The following DLGAP3 variants were observed in gnomAD, a reference collection of about 807,000 sequenced individuals.
The protein encoded by DLGAP3 is disks large-associated protein 3.
Under a neutral mutation model 81.2 loss-of-function variants are expected in DLGAP3, and 17 were observed. That is an observed-to-expected ratio of 0.21 (90% CI 0.14 to 0.31). The LOEUF is 0.31. DLGAP3 is among the 10% of genes least tolerant of loss of function. The pLI is 1.00. For missense variants in DLGAP3, 1,124 were observed against 1,388.0 expected, an observed-to-expected ratio of 0.81 and a Z score of 3.02; for synonymous variants, 577 against 587.4, an observed-to-expected ratio of 0.98 and a Z score of 0.26.
chr1:34,876,764 C>T (rs1216152388), intron 8 of DLGAP3, among the ~76,000 whole-genome samples: 1 of 152,166 alleles, frequency 6.6e-6, no homozygotes. Context: ...CATGTCCTCT[C>T]CTCAGCCCGC....
intron 5 of DLGAP3, among the ~76,000 whole-genome samples, chr1:34,894,960 T>C (rs1262129634): frequency 6.6e-6 from 1 of 152,238 alleles, no homozygotes; most frequent in African/African-American, 2.4e-5. Flanking sequence ...TTTGAGGTGA[T>C]GGGTATGTCA....
intron 1 of DLGAP3, among the ~76,000 whole-genome samples, chr1:34,914,921 C>T (rs1639693816): frequency 6.6e-6 from 1 of 152,162 alleles, no homozygotes; most frequent in African/African-American, 2.4e-5. Context: ...ACACCCTAAG[C>T]GTACCAAAGA....
In DLGAP3 at chr1:34,900,348, C is replaced by A; in HGVS notation, c.1108-75G>T. 1 of 1,468,506 alleles carries A rather than the reference C, an allele frequency of 6.8e-7. No homozygotes were observed. The highest frequency in any genetic ancestry group is 9.5e-7 in the Non-Finnish European group (1 of 1,055,198). The allele number at this position is 1,468,506 out of a possible 1,614,324, so 91.0% of individuals were successfully genotyped here. A position where few individuals can be genotyped will look rare whatever the true frequency, so the allele number is the denominator to read the frequency against. On this transcript the variant is annotated intron_variant, in intron 3 of 11. Transcript: ENST00000373347. This position sits in a 1 kb window ranked among gnomAD's most constrained non-coding sequence, Gnocchi z 5.6. ...GAGGCCAGGACTCTTTCCCCACTGC[C>A]AGTGGGAGATGCCCTGCCCTGGCTT...
intron 1 of DLGAP3, among the ~76,000 whole-genome samples, chr1:34,919,139 G>A (rs1346976995): frequency 2.0e-5 from 3 of 152,188 alleles, no homozygotes; most frequent in African/African-American, 7.2e-5. Flanking sequence ...TAGCCCAGAT[G>A]AGAGAGGAGA....
At chr1:34,891,947 T>G (rs1639317563) in intron 5 of DLGAP3, among the ~76,000 whole-genome samples, 1 of 152,248 alleles carries the variant, frequency 6.6e-6, no homozygotes, top group Non-Finnish European at 1.5e-5. Flanking sequence ...CTAGAATTAC[T>G]ACAATATATT....
intron 1 of DLGAP3, among the ~76,000 whole-genome samples, chr1:34,913,703 G>A (rs1324967453): frequency 6.6e-6 from 1 of 152,146 alleles, no homozygotes; most frequent in Non-Finnish European, 1.5e-5. Flanking sequence ...ACTAAACGGT[G>A]TTCAAAAAAT....
At chr1:34,917,874 G>C (rs1025940485) in intron 1 of DLGAP3, among the ~76,000 whole-genome samples, 6 of 152,176 alleles carry the variant, frequency 3.9e-5, no homozygotes, top group Admixed American at 2.6e-4. Flanking sequence ...CTTCTCTCTG[G>C]GGTTGGCCAG....
chr1:34,928,546 C>T (rs1196038533), intron 1 of DLGAP3, among the ~76,000 whole-genome samples: 2 of 152,122 alleles, frequency 1.3e-5, no homozygotes, highest in Admixed American at 6.5e-5. Context: ...TTGCCTGAAT[C>T]AAGGGTCAGG....
intron 3 of DLGAP3, among the ~76,000 whole-genome samples, chr1:34,903,748 G>A (rs980224949): frequency 2.2e-4 from 34 of 152,256 alleles, no homozygotes; most frequent in Middle Eastern, 3.4e-3. Context: ...CCACAGCTTC[G>A]GCTGTCCCAC....
chr1:34,915,756 C>A (rs1016893547), intron 1 of DLGAP3, among the ~76,000 whole-genome samples: 1 of 152,200 alleles, frequency 6.6e-6, no homozygotes, highest in Non-Finnish European at 1.5e-5. Flanking sequence ...GATATCTATA[C>A]CTCTGCTCTC....
At chr1:34,906,327 C>G (rs767308928) in intron 2 of DLGAP3, among the ~76,000 whole-genome samples, 6 of 151,904 alleles carry the variant, frequency 3.9e-5, no homozygotes, top group Non-Finnish European at 8.8e-5. Context: ...CTACTCCAAC[C>G]CTGCCCTACA....
Position 34,866,289 on chromosome 1 carries a change from C to T in DLGAP3, c.2734G>A (p.Val912Ile). The change falls in exon 12 of 12, where the codon GTC becomes ATC. Residue 912 changes from valine to isoleucine, a missense_variant. Coordinates refer to ENST00000373347, the MANE Select transcript of DLGAP3 (RefSeq NM_001080418.3). ...GGCTTCTTTGGTATCGGCGGAGGGA[C>T]CTTCTTCTCCTCCTGCGGGGCAGAG... ...KLLEPKEEKKVPPPIPKKPLR... is the reference protein window; with the variant it reads ...KLLEPKEEKKIPPPIPKKPLR... 1 of 1,526,888 alleles carries T rather than the reference C, an allele frequency of 6.5e-7. No homozygotes were observed. Among genetic ancestry groups the T allele is most frequent in the Middle Eastern group, 2.3e-4 (1 of 4,302 alleles). The allele number at this position is 1,526,888 out of a possible 1,614,324, so 94.6% of individuals were successfully genotyped here.
In DLGAP3 at chr1:34,902,971, C is replaced by A. The variant is rs1248732818; in HGVS notation, c.1107+1306G>T. The stretch of plus-strand genomic sequence containing the variant: ...CTCCCTACCCAGGGAGGGGGCAAAC[C>A]AGGCCAATCCAGAAGTCCCTTCTTG... On this transcript the variant is annotated intron_variant, in intron 3 of 11. Coordinates refer to ENST00000373347, the MANE Select transcript of DLGAP3 (RefSeq NM_001080418.3). This position sits in a 1 kb window ranked among gnomAD's most constrained non-coding sequence, Gnocchi z 4.4. Among the ~76,000 whole-genome samples the A allele has an allele frequency of 2.0e-5, 3 of 152,108 alleles. No homozygotes were observed. The highest frequency in any genetic ancestry group is 4.4e-5 in the Non-Finnish European group (3 of 67,984).
chr1:34,928,760 G>A (rs776234707), intron 1 of DLGAP3, among the ~76,000 whole-genome samples: 16 of 151,200 alleles, frequency 1.1e-4, no homozygotes, highest in Admixed American at 2.0e-4. Context: ...GTCACACAGG[G>A]CAGATACCGG....
At position 34,866,295 on chromosome 1, in the gene DLGAP3, T is replaced by G; in HGVS notation, c.2728A>C (p.Lys910Gln). The G allele has an allele frequency of 6.6e-7, 1 of 1,523,396 alleles. No homozygotes were observed. The highest frequency in any genetic ancestry group is 2.0e-5 in the Admixed American group (1 of 49,920). The allele number at this position is 1,523,396 out of a possible 1,614,324, so 94.4% of individuals were successfully genotyped here. A position where few individuals can be genotyped will look rare whatever the true frequency, so the allele number is the denominator to read the frequency against. ...TTTGGTATCGGCGGAGGGACCTTCT[T>G]CTCCTCCTGCGGGGCAGAGGGCGTC... Reference protein sequence around the residue: ...SWKLLEPKEEKKVPPPIPKKP... With the variant: ...SWKLLEPKEEQKVPPPIPKKP... Residue 910 changes from lysine to glutamine, a missense_variant, in exon 12 of 12, where the codon AAG becomes CAG. Transcript: ENST00000373347.
At chr1:34,884,404 A>C (rs566174753) in intron 8 of DLGAP3, among the ~76,000 whole-genome samples, 35 of 152,082 alleles carry the variant, frequency 2.3e-4, no homozygotes, top group Non-Finnish European at 4.7e-4. Context: ...AAAATTAAGG[A>C]GTCAATGTTT....
chr1:34,866,000 C>G lies in DLGAP3; in HGVS notation c.*83G>C. ...GGTGGGGCGGGCGCACGGGGCGGCCCGCGTTCACAGTGACCTCGACGCTGG... is the reference window on the plus strand; with the variant it reads ...GGTGGGGCGGGCGCACGGGGCGGCCGGCGTTCACAGTGACCTCGACGCTGG... On this transcript the variant is annotated 3_prime_UTR_variant, in exon 12 of 12. Coordinates refer to ENST00000373347, the MANE Select transcript of DLGAP3 (RefSeq NM_001080418.3). 4.0e-6 allele frequency: 5 copies of G among 1,249,064 alleles called. No homozygotes were observed. Among genetic ancestry groups the G allele is most frequent in the Non-Finnish European group, 5.6e-6 (5 of 896,810 alleles). 77.4% of individuals were successfully genotyped at this position (1,249,064 alleles called of 1,614,324 possible).
intron 1 of DLGAP3, among the ~76,000 whole-genome samples, chr1:34,909,633 C>T (rs1472895522): frequency 2.0e-5 from 3 of 152,174 alleles, no homozygotes; most frequent in Non-Finnish European, 2.9e-5. Flanking sequence ...AGGAGATATC[C>T]AATTTATGGA....
chr1:34,904,581 T>C lies in DLGAP3; in HGVS notation c.803A>G (p.Asp268Gly). The C allele has an allele frequency of 1.2e-6, 2 of 1,614,198 alleles. No homozygotes were observed. Among genetic ancestry groups the C allele is most frequent in the Non-Finnish European group, 1.7e-6 (2 of 1,180,032 alleles). Reference protein sequence around the residue: ...TGWWSSDDNLDSDSGFLAGGR... With the variant: ...TGWWSSDDNLGSDSGFLAGGR... ...ACCCGCCAGGAAGCCGCTATCACTGTCCAAGTTGTCATCGGAACTCCACCA... is the reference window on the plus strand; with the variant it reads ...ACCCGCCAGGAAGCCGCTATCACTGCCCAAGTTGTCATCGGAACTCCACCA... Residue 268 changes from aspartate to glycine, a missense_variant, in exon 3 of 12, where the codon GAC becomes GGC. Around this residue, in one of 9 missense-constraint regions of DLGAP3, gnomAD observed 357 missense variants for 408.8 expected, o/e 0.87. Coordinates refer to ENST00000373347, the MANE Select transcript of DLGAP3 (RefSeq NM_001080418.3). The surrounding 1 kb of genome is among the most constrained non-coding windows in gnomAD (Gnocchi z 8.1).
Sources: allele counts gnomAD v4.1 joint callset (sites outside exome capture counted in the v4.1 genomes callset), GRCh38; gene constraint gnomAD v4.1.1; regional missense constraint gnomAD v4.1.1; non-coding constraint Gnocchi (gnomAD v3.1); transcripts MANE v1.5; gene names NCBI Gene and HGNC (gene_info 2026-07-23, HGNC 2026-07-21).